Variants in CDS1 observed in about 807,000 individuals in gnomAD.
The protein encoded by CDS1 is CDP-diacylglycerol synthase 1.
CDS1 carries 41 observed loss-of-function variants against 62.1 expected under a neutral mutation model. The observed-to-expected ratio is 0.66, with a 90% CI of 0.51 to 0.86. The LOEUF is 0.86. Among genes scored for constraint, CDS1 ranks in the 40% least tolerant of loss-of-function variants. CDS1 has a pLI of 0.00. For missense variants in CDS1, 470 were observed against 550.1 expected, an observed-to-expected ratio of 0.85 and a Z score of 1.46; for synonymous variants, 185 against 192.6, an observed-to-expected ratio of 0.96 and a Z score of 0.32.
At chr4:84,604,659 G>A (rs1013352388) in intron 2 of CDS1, among the ~76,000 whole-genome samples, 5 of 152,198 alleles carry the variant, frequency 3.3e-5, no homozygotes, top group African/African-American at 1.2e-4. Flanking sequence ...TCTGAAGCCT[G>A]TGATCTATTT....
intron 8 of CDS1, among the ~76,000 whole-genome samples, chr4:84,636,466 A>T (rs2148657827): frequency 6.6e-6 from 1 of 152,310 alleles, no homozygotes; most frequent in South Asian, 2.1e-4. Flanking sequence ...TTCTTCATGG[A>T]AATCAAATCA....
chr4:84,632,045 A>C (rs1395779820), intron 6 of CDS1, among the ~76,000 whole-genome samples, 168 bp downstream of exon 6: 2 of 152,180 alleles, frequency 1.3e-5, no homozygotes, highest in East Asian at 3.8e-4. Flanking sequence ...AAAGTTGAGA[A>C]GTTTGTGAGG....
At chr4:84,605,434 G>A (rs1183837401) in intron 2 of CDS1, among the ~76,000 whole-genome samples, 5 of 151,180 alleles carry the variant, frequency 3.3e-5, no homozygotes, top group Non-Finnish European at 5.9e-5. Flanking sequence ...AATGTAATAT[G>A]AATTTTTCTT....
intron 5 of CDS1, among the ~76,000 whole-genome samples, chr4:84,620,742 C>A (rs994806206): frequency 6.6e-6 from 1 of 151,918 alleles, no homozygotes; most frequent in Non-Finnish European, 1.5e-5. Context: ...AATTCTGGAC[C>A]TACCAATTAC....
intron 9 of CDS1, among the ~76,000 whole-genome samples, chr4:84,639,204 G>A (rs1217451536): frequency 6.6e-6 from 1 of 152,112 alleles, no homozygotes; most frequent in Non-Finnish European, 1.5e-5. Context: ...CTATGTCTCA[G>A]CCTTATCCCA....
At chr4:84,602,220 G>A (rs938453194) in intron 1 of CDS1, among the ~76,000 whole-genome samples, 4 of 152,176 alleles carry the variant, frequency 2.6e-5, no homozygotes, top group Non-Finnish European at 4.4e-5. Flanking sequence ...ATTACTGAAT[G>A]AAAGACTCCT....
intron 6 of CDS1, among the ~76,000 whole-genome samples, 160 bp downstream of exon 6, chr4:84,632,037 A>G (rs1259730809): frequency 6.6e-6 from 1 of 152,186 alleles, no homozygotes; most frequent in Non-Finnish European, 1.5e-5. Context: ...AAACTATTAA[A>G]GTTGAGAAGT....
chr4:84,614,833 G>A (rs1486757390), intron 3 of CDS1, among the ~76,000 whole-genome samples: 2 of 152,244 alleles, frequency 1.3e-5, no homozygotes, highest in African/African-American at 4.8e-5. Context: ...TTATTAAAGA[G>A]AGAAATGCTA....
At chr4:84,603,169 T>C (rs1482306016) in intron 1 of CDS1, among the ~76,000 whole-genome samples, 3 of 152,198 alleles carry the variant, frequency 2.0e-5, no homozygotes, top group East Asian at 3.9e-4. Flanking sequence ...CATTTGCCAA[T>C]GTTTTGGAGC....
chr4:84,603,834 G>A (rs1170993982), intron 1 of CDS1, among the ~76,000 whole-genome samples: 4 of 152,094 alleles, frequency 2.6e-5, no homozygotes, highest in East Asian at 3.8e-4. Flanking sequence ...GAAATGCTAC[G>A]CTCGTGTAAG....
intron 1 of CDS1, among the ~76,000 whole-genome samples, chr4:84,584,226 A>G (rs1722345967): frequency 6.6e-6 from 1 of 152,172 alleles, no homozygotes; most frequent in Non-Finnish European, 1.5e-5. Flanking sequence ...AGTAGATGCG[A>G]TATTACTATC....
At chr4:84,593,661 C>T (rs1722662226) in intron 1 of CDS1, among the ~76,000 whole-genome samples, 2 of 152,142 alleles carry the variant, frequency 1.3e-5, no homozygotes, top group Admixed American at 6.5e-5. Flanking sequence ...CTCTCCACTA[C>T]GCCTGACTAA....
At chr4:84,609,882 A>G (rs10446695) in intron 3 of CDS1, among the ~76,000 whole-genome samples, 90,855 of 151,754 alleles carry the variant, frequency 0.6, 27,263 homozygotes, top group South Asian at 0.71. Context: ...AGCTTGGAGT[A>G]GTGGTTCACG....
intron 3 of CDS1, among the ~76,000 whole-genome samples, chr4:84,614,235 T>C (rs766520167): frequency 3.3e-5 from 5 of 152,140 alleles, no homozygotes; most frequent in Non-Finnish European, 5.9e-5. Context: ...CTGGATAATA[T>C]GGCACAACCC....
chr4:84,616,348 A>G (rs1476922121), intron 3 of CDS1, among the ~76,000 whole-genome samples: 1 of 152,226 alleles, frequency 6.6e-6, no homozygotes, highest in East Asian at 1.9e-4. Flanking sequence ...TTTTTAAAGT[A>G]TGTGATTGGA....
At chr4:84,610,605 A>C (rs191110924) in intron 3 of CDS1, among the ~76,000 whole-genome samples, 109 of 152,310 alleles carry the variant, frequency 7.2e-4, no homozygotes, top group African/African-American at 2.6e-3. Flanking sequence ...CATGGAGCAT[A>C]CTATCTGCAC....
At chr4:84,585,030 G>T (rs1722373048) in intron 1 of CDS1, among the ~76,000 whole-genome samples, 1 of 152,166 alleles carries the variant, frequency 6.6e-6, no homozygotes, top group Non-Finnish European at 1.5e-5. Flanking sequence ...ACTCGACAAA[G>T]CTAACAAGCT....
intron 4 of CDS1, among the ~76,000 whole-genome samples, chr4:84,618,775 G>A (rs1272329195): frequency 2.0e-5 from 3 of 152,124 alleles, no homozygotes; most frequent in Non-Finnish European, 4.4e-5. Context: ...GAAGAGGGGA[G>A]ATACCAGTGT....
intron 1 of CDS1, among the ~76,000 whole-genome samples, chr4:84,596,952 T>A (rs1388982906): frequency 6.6e-6 from 1 of 152,194 alleles, no homozygotes; most frequent in African/African-American, 2.4e-5. Context: ...CTGGAGTGGC[T>A]GGGTGGGTGT....
Sources: gnomAD v4.1 joint callset for allele counts (sites outside exome capture counted in the v4.1 genomes callset) on GRCh38, gnomAD v4.1.1 for gene constraint, MANE v1.5 for transcripts, NCBI Gene and HGNC (gene_info 2026-07-23, HGNC 2026-07-21) for gene names.